PER2: variants seen among roughly 807,000 people sequenced by gnomAD.
The protein encoded by PER2 is period circadian regulator 2.
PER2 carries 66 observed loss-of-function variants against 121.0 expected under a neutral mutation model. The observed-to-expected ratio is 0.55, with a 90% CI of 0.45 to 0.67. The LOEUF (loss-of-function observed/expected upper bound fraction) is 0.67. PER2 is among the 30% of genes least tolerant of loss of function. The probability of loss-of-function intolerance (pLI) is 0.00; values close to 1 mark genes in which losing one functional copy is unlikely to be tolerated. For missense variants in PER2, 1,521 were observed against 1,635.0 expected (o/e 0.93, Z 1.20); for synonymous variants, 684 against 659.9 (o/e 1.04, Z -0.56).
chr2:238,250,453 G>C, intron 21 of PER2, 98 bp downstream of exon 21: 1 of 835,084 alleles, frequency 1.2e-6, no homozygotes, highest in East Asian at 2.6e-5. Context: ...CTTTCAGAGG[G>C]GCGTCCCGCC....
chr2:238,267,993 C>T, intron 8 of PER2, 63 bp downstream of exon 8: 2 of 1,583,034 alleles, frequency 1.3e-6, no homozygotes, highest in East Asian at 2.2e-5. Context: ...ATGTGTGAAC[C>T]ACAGGAGTAA....
intron 1 of PER2, among the ~76,000 whole-genome samples, chr2:238,280,060 T>A (rs1696584503): frequency 6.6e-6 from 1 of 151,344 alleles, no homozygotes; most frequent in African/African-American, 2.4e-5. Context: ...GAAGGAGAGG[T>A]TCTCCTGGAG....
chr2:238,289,292 T>C (rs1455353773), upstream of PER2: 3 of 152,210 alleles, frequency 2.0e-5, no homozygotes, highest in African/African-American at 7.2e-5. Context: ...CATTCATTCA[T>C]TTACTCATTC....
intron 1 of PER2, among the ~76,000 whole-genome samples, chr2:238,278,281 G>A (rs1248525451): frequency 6.6e-6 from 1 of 152,114 alleles, no homozygotes; most frequent in Non-Finnish European, 1.5e-5. Flanking sequence ...ATGTTGCCCA[G>A]ACTGGTCTCG....
intron 1 of PER2, among the ~76,000 whole-genome samples, chr2:238,280,054 G>C (rs1696584207): frequency 6.6e-6 from 1 of 152,194 alleles, no homozygotes. Flanking sequence ...CTGTGGGAAG[G>C]AGAGGTTCTC....
intron 9 of PER2, among the ~76,000 whole-genome samples, chr2:238,263,656 G>A (rs986205235): frequency 4.6e-5 from 7 of 151,840 alleles, no homozygotes; most frequent in African/African-American, 7.3e-5. Context: ...TGTGTCCAGC[G>A]CCCTCTGCCG....
At chr2:238,285,379 T>A (rs1046771122) in intron 1 of PER2, among the ~76,000 whole-genome samples, 2 of 152,180 alleles carry the variant, frequency 1.3e-5, no homozygotes, top group African/African-American at 4.8e-5. Flanking sequence ...GAGCAGAGAC[T>A]ACTGGCTGGT....
the PER2 span, among the ~76,000 whole-genome samples, chr2:238,296,083 T>TGTGACCACGGACA: frequency 5.2e-5 from 3 of 57,176 alleles, no homozygotes; most frequent in South Asian, 9.5e-4. Flanking sequence ...TCGTGTGCCC[T>TGTGACCACGGACA]CCTGCTGCAG....
chr2:238,264,973 T>C (rs1696049051), intron 9 of PER2, among the ~76,000 whole-genome samples: 1 of 152,184 alleles, frequency 6.6e-6, no homozygotes, highest in Admixed American at 6.5e-5. Context: ...CATGCATTTG[T>C]GGAGGAGCTG....
Position 238,253,558 on chromosome 2 carries a change from G to A in PER2, c.2465C>T (p.Pro822Leu), listed in dbSNP as rs769454492. The stretch of plus-strand genomic sequence containing the variant: ...GGCTGTGGCGTTCAAGCCCACCAGC[G>A]GGGGCCGGGCGGACACGGGCCCCCC... ...GSGGPVSARP[P>L]LVGLNATAWS... Residue 822 changes from proline to leucine, a missense_variant, in exon 19 of 23, where the codon CCG (proline) becomes CTG (leucine). Coordinates refer to ENST00000254657, the MANE Select transcript of PER2 (RefSeq NM_022817.3). This position sits in a 1 kb window ranked among gnomAD's most constrained non-coding sequence, Gnocchi z 5.6. 1.2e-5 allele frequency: 19 copies of A among 1,610,790 alleles called. No homozygotes were observed. The highest frequency in any genetic ancestry group is 2.2e-5 in the East Asian group (1 of 44,792).
upstream of PER2, among the ~76,000 whole-genome samples, chr2:238,293,763 A>G (rs1224819199): frequency 6.7e-6 from 1 of 149,702 alleles, no homozygotes; most frequent in Non-Finnish European, 1.5e-5. Flanking sequence ...GAAAAAGAAA[A>G]AAAAGAAAGA....
At position 238,253,557 on chromosome 2, in the gene PER2, C is replaced by T. The variant is rs34409863; in HGVS notation, c.2466G>A (p.Pro822=). The change falls in exon 19 of 23, where the codon CCG becomes CCA. Residue 822 remains proline (P), a synonymous_variant. Transcript: ENST00000254657. This position sits in a 1 kb window ranked among gnomAD's most constrained non-coding sequence, Gnocchi z 5.6. ...AGGCTGTGGCGTTCAAGCCCACCAGCGGGGGCCGGGCGGACACGGGCCCCC... is the reference window on the plus strand; with the variant it reads ...AGGCTGTGGCGTTCAAGCCCACCAGTGGGGGCCGGGCGGACACGGGCCCCC... The part of the protein sequence containing the change: ...GSGGPVSARP[P]LVGLNATAWS... 7,101 of 1,610,494 alleles carry T rather than the reference C, an allele frequency of 4.4e-3. 286 individuals are homozygous for T. The African/African-American group carries it at 0.083, about 19-fold the overall frequency.
At chr2:238,249,928 C>G (rs1695552850) in intron 21 of PER2, among the ~76,000 whole-genome samples, 1 of 152,224 alleles carries the variant, frequency 6.6e-6, no homozygotes, top group Non-Finnish European at 1.5e-5. Flanking sequence ...AACTAAACCT[C>G]TTTCCTTTAT....
intron 13 of PER2, 150 bp downstream of exon 13, chr2:238,260,678 G>T: frequency 1.2e-6 from 1 of 834,028 alleles, no homozygotes; most frequent in Admixed American, 1.9e-5. Flanking sequence ...AGATTAAAAA[G>T]TCCCAAGTGG....
chr2:238,261,353 T>C (rs1695925224), intron 12 of PER2: 1 of 377,120 alleles, frequency 2.7e-6, no homozygotes, highest in Non-Finnish European at 4.9e-6. Context: ...CCTGATTTTT[T>C]TTAGGGACCT....
At chr2:238,251,470 G>C in intron 20 of PER2, 129 bp downstream of exon 20, 1 of 821,178 alleles carries the variant, frequency 1.2e-6, no homozygotes, top group Non-Finnish European at 2.1e-6. Flanking sequence ...GTGTCTGCAT[G>C]GGCTCTGACA....
intron 5 of PER2, among the ~76,000 whole-genome samples, chr2:238,271,749 A>G (rs1055963251): frequency 1.3e-5 from 2 of 152,180 alleles, no homozygotes; most frequent in Non-Finnish European, 2.9e-5. Context: ...AAAACAGCCT[A>G]CATCCAAAGG....
the PER2 span, chr2:238,299,562 AAAG>A: frequency 1.3e-5 from 2 of 152,392 alleles, no homozygotes; most frequent in Non-Finnish European, 2.9e-5. Context: ...AAAAAAAAGA[AAAG>A]AAGACCTCAA....
chr2:238,261,662 C>CCTATG, intron 12 of PER2, 67 bp downstream of exon 12: 1 of 997,958 alleles, frequency 1.0e-6, no homozygotes, highest in Non-Finnish European at 1.6e-6. Context: ...GGGTTCAGAG[C>CCTATG]CTATGTCCTC....
Sources: allele counts gnomAD v4.1 joint callset (sites outside exome capture counted in the v4.1 genomes callset), GRCh38; gene constraint gnomAD v4.1.1; non-coding constraint Gnocchi (gnomAD v3.1); transcripts MANE v1.5; gene names NCBI Gene and HGNC (gene_info 2026-07-23, HGNC 2026-07-21).